LIMD1: variants seen among roughly 807,000 people sequenced by gnomAD.
LIMD1 encodes the protein LIM domain containing 1.
In LIMD1, 23 loss-of-function variants were observed where a neutral mutation model predicts 58.4. That is an observed-to-expected ratio of 0.39 (90% CI 0.28 to 0.56). The LOEUF is 0.56. Among genes scored for constraint, LIMD1 ranks in the 20% least tolerant of loss-of-function variants. The probability of loss-of-function intolerance (pLI) is 0.57; values close to 1 mark genes in which losing one functional copy is unlikely to be tolerated. For missense variants in LIMD1, 838 were observed against 855.5 expected, an observed-to-expected ratio of 0.98 and a Z score of 0.25; for synonymous variants, 334 against 345.5, an observed-to-expected ratio of 0.97 and a Z score of 0.37.
chr3:45,648,993 C>G (rs1265673656), intron 2 of LIMD1, among the ~76,000 whole-genome samples: 1 of 152,132 alleles, frequency 6.6e-6, no homozygotes, highest in Admixed American at 6.5e-5. Flanking sequence ...TGTGGACTGT[C>G]ATTTCATTTC....
At chr3:45,666,674 G>A (rs892040064) in intron 3 of LIMD1, among the ~76,000 whole-genome samples, 1 of 152,140 alleles carries the variant, frequency 6.6e-6, no homozygotes, top group African/African-American at 2.4e-5. Context: ...GCAGGGCTGT[G>A]GGCTGTTAGC....
chr3:45,669,059 A>G (rs931035294), intron 4 of LIMD1, among the ~76,000 whole-genome samples: 1 of 152,200 alleles, frequency 6.6e-6, no homozygotes, highest in Non-Finnish European at 1.5e-5. Flanking sequence ...TGTTATGCCC[A>G]GCTCACACCA....
intron 2 of LIMD1, among the ~76,000 whole-genome samples, chr3:45,648,133 G>A (rs959711148): frequency 1.3e-5 from 2 of 152,064 alleles, no homozygotes; most frequent in Non-Finnish European, 2.9e-5. Context: ...AACTGATCAT[G>A]ATTTTACTCC....
intron 1 of LIMD1, among the ~76,000 whole-genome samples, chr3:45,612,597 C>T (rs1276549621): frequency 6.6e-6 from 1 of 152,184 alleles, no homozygotes; most frequent in Non-Finnish European, 1.5e-5. Context: ...TTGACAGATG[C>T]ATGCACCTGT....
At chr3:45,675,515 C>G (rs945279149) in intron 7 of LIMD1, among the ~76,000 whole-genome samples, 19 of 151,630 alleles carry the variant, frequency 1.3e-4, no homozygotes. Context: ...GGCAACAGAG[C>G]AAGACTCCGT....
intron 1 of LIMD1, among the ~76,000 whole-genome samples, chr3:45,626,188 C>T (rs1404461438): frequency 6.6e-6 from 1 of 152,210 alleles, no homozygotes; most frequent in Non-Finnish European, 1.5e-5. Context: ...TTGGCAGCTT[C>T]TTATAAAACT....
At chr3:45,646,659 T>C (rs1441214378) in intron 2 of LIMD1, among the ~76,000 whole-genome samples, 2 of 152,282 alleles carry the variant, frequency 1.3e-5, no homozygotes, top group African/African-American at 2.4e-5. Context: ...GCTACTGTAT[T>C]GGACTGCATG....
At chr3:45,601,904 G>A (rs956731663) in intron 1 of LIMD1, among the ~76,000 whole-genome samples, 26 of 150,402 alleles carry the variant, frequency 1.7e-4, no homozygotes, top group Non-Finnish European at 2.5e-4. Flanking sequence ...GGCTCCTTGC[G>A]TTTTCCATGC....
rs1189392531 is a variant in LIMD1 at position 45,595,925 on chromosome 3, C to T, written c.1046C>T (p.Ala349Val). ...DGPKSYLSSS[A>V]PSSSPAGLDG... ...CCCAAATCTTACCTTTCCAGTTCTG[C>T]CCCGTCATCCTCGCCAGCTGGTCTG... The change falls in exon 1 of 8, where the codon GCC (alanine) becomes GTC (valine). Residue 349 changes from alanine to valine, a missense_variant. Physicochemically the swap from Ala to Val is moderately conservative, Grantham distance 64. Transcript: ENST00000273317. 1 of 1,614,236 alleles carries T rather than the reference C, an allele frequency of 6.2e-7. No individual in the cohort carries two copies. Among genetic ancestry groups the T allele is most frequent in the Admixed American group, 1.7e-5 (1 of 60,034 alleles).
chr3:45,625,951 A>C (rs1194129704), intron 1 of LIMD1, among the ~76,000 whole-genome samples: 1 of 152,216 alleles, frequency 6.6e-6, no homozygotes, highest in African/African-American at 2.4e-5. Context: ...TGGCTCAGTA[A>C]GCTTATTTGT....
intron 1 of LIMD1, among the ~76,000 whole-genome samples, chr3:45,621,813 C>T (rs897650013): frequency 2.0e-5 from 3 of 152,028 alleles, no homozygotes; most frequent in Non-Finnish European, 4.4e-5. Flanking sequence ...ACCTGTCATC[C>T]CAGCACTTTG....
intron 1 of LIMD1, among the ~76,000 whole-genome samples, chr3:45,626,034 G>A (rs1701665993): frequency 1.3e-5 from 2 of 152,212 alleles, no homozygotes. Context: ...AGAGAGGTGG[G>A]AGAAATGTTT....
intron 2 of LIMD1, among the ~76,000 whole-genome samples, chr3:45,661,796 T>C (rs1697444349): frequency 6.6e-6 from 1 of 152,242 alleles, no homozygotes; most frequent in African/African-American, 2.4e-5. Context: ...TCTCACTCTA[T>C]TGCCCAGGCT....
chr3:45,595,430 C>T lies in LIMD1; in HGVS notation c.551C>T (p.Ser184Phe), dbSNP rs780110879. 2 of 1,613,912 alleles carry T rather than the reference C, an allele frequency of 1.2e-6. No homozygotes were observed. Among genetic ancestry groups the T allele is most frequent in the Non-Finnish European group, 1.7e-6 (2 of 1,179,988 alleles). The change falls in exon 1 of 8, where the codon TCC (serine) becomes TTC (phenylalanine). Residue 184 changes from serine to phenylalanine, a missense_variant. Coordinates refer to ENST00000273317, the MANE Select transcript of LIMD1 (RefSeq NM_014240.3). ...LTHGDYYDNLSLASPKWGDKP... is the reference protein window; with the variant it reads ...LTHGDYYDNLFLASPKWGDKP... Reference sequence around the variant, plus strand: ...CATGGAGACTATTATGACAACCTCTCCTTGGCAAGCCCAAAGTGGGGTGAC... The same window carrying T: ...CATGGAGACTATTATGACAACCTCTTCTTGGCAAGCCCAAAGTGGGGTGAC...
rs985067000 is a variant in LIMD1, at chr3:45,685,621, C to G, written c.*8562C>G. ...GATGTGACTGCCGTCCATGCCCAGA[C>G]AGGGAATTGTCCTTGAACCTACTCA... On this transcript the variant is annotated 3_prime_UTR_variant, in exon 8 of 8. Coordinates refer to ENST00000273317, the MANE Select transcript of LIMD1 (RefSeq NM_014240.3). 2 of 152,242 alleles carry G rather than the reference C, an allele frequency of 1.3e-5. No individual in the cohort carries two copies. The highest frequency in any genetic ancestry group is 1.3e-4 in the Admixed American group (2 of 15,276). The allele number at this position is 152,242 out of a possible 1,614,324, so 9.4% of individuals were successfully genotyped here. A position where few individuals can be genotyped will look rare whatever the true frequency, so the allele number is the denominator to read the frequency against.
At chr3:45,674,308 C>G (rs1352620169) in intron 6 of LIMD1, 35 bp from the exon 7 acceptor site, 5 of 1,595,440 alleles carry the variant, frequency 3.1e-6, no homozygotes, top group Admixed American at 1.7e-5. Flanking sequence ...CCTAACAGGC[C>G]TCTCCTATGT....
chr3:45,631,330 G>A (rs780744960), intron 1 of LIMD1, among the ~76,000 whole-genome samples: 5 of 151,910 alleles, frequency 3.3e-5, no homozygotes, highest in Non-Finnish European at 4.4e-5. Flanking sequence ...AAATCTCCAA[G>A]TCCAGGGTCT....
chr3:45,614,355 G>T (rs1701556680), intron 1 of LIMD1, among the ~76,000 whole-genome samples: 1 of 148,974 alleles, frequency 6.7e-6, no homozygotes, highest in African/African-American at 2.5e-5. Flanking sequence ...GTGAAACCCA[G>T]CCTCTACAAC....
At chr3:45,639,637 C>G (rs957504720) in intron 2 of LIMD1, among the ~76,000 whole-genome samples, 1 of 152,110 alleles carries the variant, frequency 6.6e-6, no homozygotes, top group East Asian at 1.9e-4. Flanking sequence ...GCCCTACCCC[C>G]TAATCCCGTC....
Sources: allele counts gnomAD v4.1 joint callset (sites outside exome capture counted in the v4.1 genomes callset), GRCh38; gene constraint gnomAD v4.1.1; transcripts MANE v1.5; gene names NCBI Gene and HGNC (gene_info 2026-07-23, HGNC 2026-07-21).